Variants in ARMH3 observed in about 807,000 individuals in gnomAD.
The protein encoded by ARMH3 is armadillo like helical domain containing 3, also known as armadillo-like helical domain-containing protein 3.
In ARMH3, 60 loss-of-function variants were observed where a neutral mutation model predicts 99.1. That is an observed-to-expected ratio of 0.61 (90% CI 0.49 to 0.75). ARMH3 has a LOEUF of 0.75. Among genes scored for constraint, ARMH3 ranks in the 30% least tolerant of loss-of-function variants. The pLI, the probability that ARMH3 is intolerant of heterozygous loss-of-function variation, is 0.00. For missense variants in ARMH3, 679 were observed against 843.1 expected, an observed-to-expected ratio of 0.81 and a Z score of 2.41; for synonymous variants, 285 against 292.8, an observed-to-expected ratio of 0.97 and a Z score of 0.27.
In ARMH3 at chr10:101,993,580, CA is replaced by C; in HGVS notation, c.1232del (p.Leu411CysfsTer6). ...IAEDQYANAF[L>X]HDDNMNFRVN... ...CTCGAAAATTCATGTTGTCATCATG[CA>C]AAAATGCATTGGCATATTGATCCTA... On this transcript the variant is annotated frameshift_variant, in exon 17 of 26. Transcript: ENST00000370033. LOFTEE classifies it high-confidence loss of function. 6.3e-7 allele frequency: 1 copy of C among 1,599,258 alleles called. No homozygotes were observed. The highest frequency in any genetic ancestry group is 8.5e-7 in the Non-Finnish European group (1 of 1,172,704).
intron 23 of ARMH3, among the ~76,000 whole-genome samples, chr10:101,896,009 C>T (rs1019883040): frequency 1.3e-5 from 2 of 152,104 alleles, no homozygotes; most frequent in Non-Finnish European, 2.9e-5. Flanking sequence ...CTCATGCCTG[C>T]AATCCCAGGA....
At chr10:102,038,837 T>G (rs2067342242) in intron 2 of ARMH3, among the ~76,000 whole-genome samples, 2 of 152,114 alleles carry the variant, frequency 1.3e-5, no homozygotes, top group South Asian at 2.1e-4. Context: ...CCTCCTGGGC[T>G]TAAGCAATCC....
chr10:102,041,551 T>C (rs1031467938), intron 1 of ARMH3, among the ~76,000 whole-genome samples: 1 of 152,198 alleles, frequency 6.6e-6, no homozygotes, highest in Admixed American at 6.6e-5. Context: ...ATCTTAGACA[T>C]TGTCCTTCTC....
intron 15 of ARMH3, among the ~76,000 whole-genome samples, chr10:101,999,319 G>T (rs2066293585): frequency 6.6e-6 from 1 of 151,924 alleles, no homozygotes; most frequent in Non-Finnish European, 1.5e-5. Flanking sequence ...AGCCTCCCAA[G>T]CAGCTGAGAT....
chr10:101,954,661 CA>C (rs2135796757), intron 22 of ARMH3, among the ~76,000 whole-genome samples: 1 of 152,012 alleles, frequency 6.6e-6, no homozygotes, highest in African/African-American at 2.4e-5. Flanking sequence ...TGGTTTTTGC[CA>C]TATATGTAAA....
chr10:101,864,411 A>G (rs1002812883), intron 24 of ARMH3, among the ~76,000 whole-genome samples: 5 of 152,240 alleles, frequency 3.3e-5, no homozygotes, highest in Admixed American at 1.3e-4. Context: ...CCAAAGGATT[A>G]TAAATCATGC....
At chr10:101,877,355 C>G (rs1180423022) in intron 24 of ARMH3, among the ~76,000 whole-genome samples, 2 of 151,960 alleles carry the variant, frequency 1.3e-5, no homozygotes, top group Non-Finnish European at 2.9e-5. Context: ...AGAGTGAAAT[C>G]CTGTCTCAAA....
intron 1 of ARMH3, among the ~76,000 whole-genome samples, chr10:102,054,154 G>A (rs1377924483): frequency 6.6e-6 from 1 of 152,200 alleles, no homozygotes; most frequent in East Asian, 1.9e-4. Flanking sequence ...ACTTTGGGAG[G>A]CTGAGACGGG....
intron 24 of ARMH3, among the ~76,000 whole-genome samples, chr10:101,854,651 G>A (rs2066689006): frequency 6.6e-6 from 1 of 152,180 alleles, no homozygotes; most frequent in Non-Finnish European, 1.5e-5. Flanking sequence ...TGAAGCCTCT[G>A]GAGGTAAGGG....
chr10:101,907,251 A>G (rs1454886954), intron 23 of ARMH3, among the ~76,000 whole-genome samples: 2 of 152,108 alleles, frequency 1.3e-5, no homozygotes, highest in African/African-American at 2.4e-5. Flanking sequence ...ATGGAAAGGT[A>G]TTTTTTAAGC....
At chr10:102,043,519 T>C (rs528001130) in intron 1 of ARMH3, among the ~76,000 whole-genome samples, 1 of 152,308 alleles carries the variant, frequency 6.6e-6, no homozygotes, top group East Asian at 1.9e-4. Context: ...CAACCCATAG[T>C]GCAAAGCAAA....
intron 19 of ARMH3, among the ~76,000 whole-genome samples, chr10:101,978,245 T>C (rs1414378265): frequency 6.7e-6 from 1 of 149,726 alleles, no homozygotes; most frequent in Non-Finnish European, 1.5e-5. Context: ...AAGTAAATCA[T>C]TACACACATG....
intron 19 of ARMH3, among the ~76,000 whole-genome samples, chr10:101,986,920 C>T (rs371193671): frequency 4.8e-4 from 73 of 152,200 alleles, no homozygotes; most frequent in African/African-American, 1.7e-3. Context: ...TTCCCTAACC[C>T]CAGGGCAGTA....
At chr10:101,985,949 C>T (rs1321957570) in intron 19 of ARMH3, among the ~76,000 whole-genome samples, 1 of 151,668 alleles carries the variant, frequency 6.6e-6, no homozygotes, top group African/African-American at 2.4e-5. Flanking sequence ...ACCTGGGGGG[C>T]GGAGGTTGCA....
intron 5 of ARMH3, 129 bp downstream of exon 5, chr10:102,029,509 T>A: frequency 6.3e-7 from 1 of 1,584,046 alleles, no homozygotes; most frequent in Non-Finnish European, 8.6e-7. Flanking sequence ...AACATCTAAA[T>A]GCAAGGCCAA....
chr10:101,987,990 AT>A (rs1291869384), intron 19 of ARMH3, among the ~76,000 whole-genome samples: 1 of 152,208 alleles, frequency 6.6e-6, no homozygotes, highest in Non-Finnish European at 1.5e-5. Context: ...AAGTATGCAT[AT>A]TACCTTTATT....
At chr10:101,995,231 G>C (rs1847001154) in intron 16 of ARMH3, 66 bp downstream of exon 16, 1 of 1,354,670 alleles carries the variant, frequency 7.4e-7, no homozygotes. Flanking sequence ...AATGGGGTGA[G>C]GGGAGGCAGG....
At chr10:101,981,882 G>A (rs1014794030) in intron 19 of ARMH3, among the ~76,000 whole-genome samples, 5 of 152,030 alleles carry the variant, frequency 3.3e-5, no homozygotes, top group East Asian at 3.9e-4. Context: ...AGCTGGGCGC[G>A]GTGGTGGGTG....
chr10:101,862,779 G>C (rs750867189), intron 24 of ARMH3, among the ~76,000 whole-genome samples: 1 of 151,872 alleles, frequency 6.6e-6, no homozygotes, highest in African/African-American at 2.4e-5. Flanking sequence ...TGGGAAAAAC[G>C]GGGGAAAGCA....
Sources: gnomAD v4.1 joint callset for allele counts (sites outside exome capture counted in the v4.1 genomes callset) on GRCh38, gnomAD v4.1.1 for gene constraint, MANE v1.5 for transcripts, NCBI Gene and HGNC (gene_info 2026-07-23, HGNC 2026-07-21) for gene names.